The following RGS7 variants were observed in gnomAD, a reference collection of about 807,000 sequenced individuals.
The protein encoded by RGS7 is regulator of G-protein signaling 7.
A neutral mutation model predicts 81.1 loss-of-function variants in RGS7; 27 were observed. The observed-to-expected ratio is 0.33, with a 90% CI of 0.25 to 0.46. The LOEUF (loss-of-function observed/expected upper bound fraction) is 0.46, where lower values mean the gene tolerates loss of function less well. RGS7 is among the 20% of genes least tolerant of loss of function. The pLI, the probability that RGS7 is intolerant of heterozygous loss-of-function variation, is 1.00. For missense variants in RGS7, 396 were observed against 607.4 expected (o/e 0.65, Z 3.66); for synonymous variants, 208 against 207.7 (o/e 1.00, Z -0.01).
intron 2 of RGS7, among the ~76,000 whole-genome samples, chr1:241,227,921 T>C (rs1488595403): frequency 2.0e-5 from 3 of 152,204 alleles, no homozygotes; most frequent in Non-Finnish European, 2.9e-5. Context: ...CCTTCTCCAA[T>C]GTGACCTTGC....
chr1:240,784,013 TAAAA>T (rs71172645), intron 18 of RGS7, among the ~76,000 whole-genome samples: 10 of 83,380 alleles, frequency 1.2e-4, no homozygotes, highest in Admixed American at 2.8e-4. Flanking sequence ...CTGTCTCTAC[TAAAA>T]AAAAAAAAAA....
intron 2 of RGS7, among the ~76,000 whole-genome samples, chr1:241,139,782 T>C (rs2103078138): frequency 6.6e-6 from 1 of 152,384 alleles, no homozygotes; most frequent in South Asian, 2.1e-4. Context: ...ATTTATGCCA[T>C]GCTTTCTAAT....
chr1:241,333,052 A>G (rs543236500), intron 2 of RGS7, among the ~76,000 whole-genome samples: 1 of 152,328 alleles, frequency 6.6e-6, no homozygotes, highest in African/African-American at 2.4e-5. Flanking sequence ...TAACAAATAC[A>G]AGGTCTTATT....
chr1:241,088,596 A>G (rs1354902873), intron 3 of RGS7, among the ~76,000 whole-genome samples: 1 of 152,130 alleles, frequency 6.6e-6, no homozygotes, highest in Non-Finnish European at 1.5e-5. Context: ...AGCCCCTCCA[A>G]CTAAATTAAT....
chr1:241,072,708 G>A (rs972906530), intron 3 of RGS7, among the ~76,000 whole-genome samples: 2 of 152,126 alleles, frequency 1.3e-5, no homozygotes, highest in Non-Finnish European at 2.9e-5. Context: ...CTCCAGGTGT[G>A]TGTATTTATG....
At chr1:240,944,870 C>A (rs148746381) in intron 4 of RGS7, among the ~76,000 whole-genome samples, 1 of 152,222 alleles carries the variant, frequency 6.6e-6, no homozygotes, top group African/African-American at 2.4e-5. Flanking sequence ...TGCGCCACCA[C>A]GCCCGGCTAA....
At position 240,891,613 on chromosome 1, in the gene RGS7, G is replaced by A. The variant is rs149171044; in HGVS notation, c.386-21494C>T. On this transcript the variant is annotated intron_variant, in intron 6 of 18. Transcript: ENST00000440928. Reference sequence around the variant, plus strand: ...ATTCAGTGATTAATTTGTTTAATGTGCCAGGCAATATTCCAGGCACTAAGA... The same window carrying A: ...ATTCAGTGATTAATTTGTTTAATGTACCAGGCAATATTCCAGGCACTAAGA... 1.3e-3 allele frequency among the ~76,000 whole-genome samples: 191 copies of A among 152,100 alleles called. 1 individual carries two copies. The highest frequency in any genetic ancestry group is 3.8e-3 in the African/African-American group (158 of 41,484).
intron 3 of RGS7, among the ~76,000 whole-genome samples, chr1:241,050,238 C>T (rs2061173635): frequency 8.6e-6 from 1 of 116,098 alleles, no homozygotes; most frequent in Non-Finnish European, 1.9e-5. Context: ...GTAGATCAGG[C>T]TCAAGGGGTG....
chr1:240,815,565 C>T (rs1280039516), intron 11 of RGS7, among the ~76,000 whole-genome samples: 1 of 152,084 alleles, frequency 6.6e-6, no homozygotes, highest in South Asian at 2.1e-4. Flanking sequence ...TAATCACACA[C>T]AGAAAACTTT....
intron 18 of RGS7, among the ~76,000 whole-genome samples, chr1:240,791,760 A>C (rs1333541513): frequency 6.6e-6 from 1 of 152,246 alleles, no homozygotes; most frequent in African/African-American, 2.4e-5. Context: ...TTTGGTGGAA[A>C]TTAAATTTGG....
chr1:241,107,884 T>C (rs1287941754), intron 2 of RGS7, among the ~76,000 whole-genome samples: 1 of 152,122 alleles, frequency 6.6e-6, no homozygotes, highest in East Asian at 1.9e-4. Context: ...GCATTCGTTA[T>C]CACCTTATTC....
intron 3 of RGS7, among the ~76,000 whole-genome samples, chr1:241,003,763 T>G (rs561357817): frequency 6.6e-6 from 1 of 152,248 alleles, no homozygotes; most frequent in East Asian, 1.9e-4. Context: ...ATTTATTTAT[T>G]TTTTGAGATG....
At chr1:241,166,198 T>C (rs542472565) in intron 2 of RGS7, among the ~76,000 whole-genome samples, 3 of 152,158 alleles carry the variant, frequency 2.0e-5, no homozygotes, top group South Asian at 2.1e-4. Flanking sequence ...AAAAATGAAA[T>C]GGAGTCAGTC....
chr1:240,868,159 G>GAAAGAAAGA lies in RGS7; in HGVS notation c.609+427_609+428insTCTTTCTTT, dbSNP rs1663792627. 3.3e-5 allele frequency among the ~76,000 whole-genome samples: 3 copies of GAAAGAAAGA among 90,818 alleles called. No homozygotes were observed. Among genetic ancestry groups the GAAAGAAAGA allele is most frequent in the Non-Finnish European group, 5.0e-5 (2 of 40,282 alleles). The allele number at this position is 90,818 out of a possible 152,430, so 59.6% of individuals were successfully genotyped here. A position where few individuals can be genotyped will look rare whatever the true frequency, so the allele number is the denominator to read the frequency against. Reference sequence around the variant, plus strand: ...GAAAGAAAGAAAGAAAGAAAGAAAGGACGGAGGGAGGGAAGGACGAAGGAA... The same window carrying GAAAGAAAGA: ...GAAAGAAAGAAAGAAAGAAAGAAAGGAAAGAAAGAACGGAGGGAGGGAAGGACGAAGGAA... On this transcript the variant is annotated intron_variant, in intron 9 of 18. Transcript: ENST00000440928. This position sits in a 1 kb window ranked among gnomAD's most constrained non-coding sequence, Gnocchi z 5.1.
At chr1:240,829,341 C>A (rs1165102439) in intron 9 of RGS7, among the ~76,000 whole-genome samples, 1 of 152,068 alleles carries the variant, frequency 6.6e-6, no homozygotes, top group African/African-American at 2.4e-5. Flanking sequence ...TGACACTGAG[C>A]AATTCACTAA....
At chr1:241,002,608 A>G (rs1156346298) in intron 3 of RGS7, among the ~76,000 whole-genome samples, 1 of 152,120 alleles carries the variant, frequency 6.6e-6, no homozygotes, top group Admixed American at 6.5e-5. Context: ...CTTTGTTTTA[A>G]TTGCCCACTT....
intron 6 of RGS7, among the ~76,000 whole-genome samples, chr1:240,894,452 CTA>C (rs989496280): frequency 3.3e-5 from 5 of 152,056 alleles, no homozygotes; most frequent in Non-Finnish European, 7.4e-5. Flanking sequence ...ATCCTTTACT[CTA>C]TGTGTTTTAA....
chr1:240,802,796 T>C (rs1035260119), intron 16 of RGS7, 108 bp downstream of exon 16: 1 of 802,998 alleles, frequency 1.2e-6, no homozygotes, highest in Admixed American at 1.7e-5. Context: ...TCTTGGAGTA[T>C]GTTCACTTAC....
At chr1:240,844,599 T>C (rs1036040943) in intron 9 of RGS7, among the ~76,000 whole-genome samples, 3 of 152,168 alleles carry the variant, frequency 2.0e-5, no homozygotes, top group African/African-American at 7.2e-5. Context: ...AATAGGACAC[T>C]GTATCTACAA....
Sources: gnomAD v4.1 joint callset for allele counts (sites outside exome capture counted in the v4.1 genomes callset) on GRCh38, gnomAD v4.1.1 for gene constraint, Gnocchi (gnomAD v3.1) non-coding constraint, MANE v1.5 for transcripts, NCBI Gene and HGNC (gene_info 2026-07-23, HGNC 2026-07-21) for gene names.